Variants in GABBR2 observed in about 807,000 individuals in gnomAD.
GABBR2 encodes the protein G-protein coupled receptor 51.
In GABBR2, 23 loss-of-function variants were observed where a neutral mutation model predicts 105.6. That is an observed-to-expected ratio of 0.22 (90% confidence interval 0.16 to 0.31). The LOEUF is 0.31. GABBR2 is among the 10% of genes least tolerant of loss of function. GABBR2 has a pLI of 1.00. For missense variants in GABBR2, 734 were observed against 1,245.5 expected (o/e 0.59, Z 6.18); for synonymous variants, 478 against 499.7 (o/e 0.96, Z 0.58).
At chr9:98,439,704 A>G (rs1440170151) in intron 7 of GABBR2, among the ~76,000 whole-genome samples, 1 of 152,220 alleles carries the variant, frequency 6.6e-6, no homozygotes, top group Non-Finnish European at 1.5e-5. Flanking sequence ...AGCTGCAAGA[A>G]TCCAACTGAA....
chr9:98,419,566 C>A (rs1832746506), intron 7 of GABBR2, among the ~76,000 whole-genome samples: 1 of 152,102 alleles, frequency 6.6e-6, no homozygotes, highest in Non-Finnish European at 1.5e-5. Flanking sequence ...ATAGTGCAAA[C>A]TGTTAGGCAA....
At chr9:98,607,334 G>A (rs1309086342) in intron 1 of GABBR2, 6 of 764,324 alleles carry the variant, frequency 7.9e-6, no homozygotes, top group Non-Finnish European at 1.4e-5. Context: ...GCTCCTTCAG[G>A]ACATGGACTT....
In GABBR2 at chr9:98,385,730, G is replaced by T; in HGVS notation, c.1572C>A (p.Ile524=). 6.2e-7 allele frequency: 1 copy of T among 1,608,286 alleles called. No individual in the cohort carries two copies. Among genetic ancestry groups the T allele is most frequent in the Non-Finnish European group, 8.5e-7 (1 of 1,174,710 alleles). ...AAGCATAGGAGAGCATCCCTCCAAG[G>T]ATGATAAGGTTGTTCATGTATGGAC... ...MSSPYMNNLI[I]LGGMLSYASI... is the part of the protein sequence containing the mutation. Residue 524 remains isoleucine, a synonymous_variant, in exon 11 of 19, where the codon ATC becomes ATA. Transcript: ENST00000259455.
At chr9:98,308,686 A>G (rs548136829) in intron 14 of GABBR2, among the ~76,000 whole-genome samples, 1 of 152,316 alleles carries the variant, frequency 6.6e-6, no homozygotes, top group South Asian at 2.1e-4. Flanking sequence ...AAGCCAAGGC[A>G]TGCCTGGAAC....
chr9:98,493,117 G>A (rs1018888228), intron 4 of GABBR2, among the ~76,000 whole-genome samples: 18 of 151,920 alleles, frequency 1.2e-4, no homozygotes, highest in Non-Finnish European at 2.1e-4. Flanking sequence ...TTATACTTTG[G>A]GTTATATTCT....
chr9:98,288,294 T>C lies in GABBR2; in HGVS notation c.*2290A>G, dbSNP rs1227386014. On this transcript the variant is annotated 3_prime_UTR_variant, in exon 19 of 19. Coordinates refer to ENST00000259455, the MANE Select transcript of GABBR2 (RefSeq NM_005458.8). ...AGAAATGGACGGTGTGTTTGCTGCA[T>C]ATAAAAGAACAGAACCATTAAGTAG... is the stretch of plus-strand genomic sequence containing the variant. 6.6e-6 allele frequency: 1 copy of C among 152,562 alleles called. No individual in the cohort carries two copies. Among genetic ancestry groups the C allele is most frequent in the Non-Finnish European group, 1.5e-5 (1 of 68,036 alleles). 9.5% of individuals were successfully genotyped at this position (152,562 alleles called of 1,614,324 possible). A position where few individuals can be genotyped will look rare whatever the true frequency, so the allele number is the denominator to read the frequency against.
intron 13 of GABBR2, among the ~76,000 whole-genome samples, chr9:98,361,629 C>T (rs1021664731): frequency 5.9e-5 from 9 of 152,164 alleles, no homozygotes; most frequent in African/African-American, 1.7e-4. Flanking sequence ...AGCCTGTCTG[C>T]TCGAGTGGAC....
At chr9:98,615,493 A>G (rs1257550915) in intron 1 of GABBR2, among the ~76,000 whole-genome samples, 2 of 152,198 alleles carry the variant, frequency 1.3e-5, no homozygotes, top group Non-Finnish European at 2.9e-5. Flanking sequence ...CAGGTTTTAG[A>G]CATGCCCTTA....
chr9:98,288,316 G>A lies in GABBR2; in HGVS notation c.*2268C>T, dbSNP rs1390781437. 1 of 152,474 alleles carries A rather than the reference G, an allele frequency of 6.6e-6. No homozygotes were observed. The highest frequency in any genetic ancestry group is 1.5e-5 in the Non-Finnish European group (1 of 68,030). The allele number at this position is 152,474 out of a possible 1,614,324, so 9.4% of individuals were successfully genotyped here. Reference sequence around the variant, plus strand: ...GCATATAAAAGAACAGAACCATTAAGTAGCTAGAGTCACTTCTGTGGGTCT... The same window carrying A: ...GCATATAAAAGAACAGAACCATTAAATAGCTAGAGTCACTTCTGTGGGTCT... On this transcript the variant is annotated 3_prime_UTR_variant, in exon 19 of 19. Coordinates refer to ENST00000259455, the MANE Select transcript of GABBR2 (RefSeq NM_005458.8).
At chr9:98,299,101 G>A in intron 17 of GABBR2, 123 bp downstream of exon 17, 1 of 818,528 alleles carries the variant, frequency 1.2e-6, no homozygotes, top group Non-Finnish European at 2.1e-6. Context: ...CTCTGTGTGT[G>A]TGACTTCATA....
intron 2 of GABBR2, among the ~76,000 whole-genome samples, chr9:98,552,409 G>A (rs898743172): frequency 9.2e-5 from 14 of 152,176 alleles, no homozygotes; most frequent in Admixed American, 1.3e-4. Flanking sequence ...TGAATGGAAC[G>A]CAACTTTCTC....
intron 3 of GABBR2, among the ~76,000 whole-genome samples, chr9:98,535,891 A>G (rs115432620): frequency 6.7e-4 from 102 of 152,342 alleles, no homozygotes; most frequent in African/African-American, 2.4e-3. Context: ...CTCTAATGAT[A>G]CTATAATGAT....
At chr9:98,295,323 C>T (rs1404102846) in intron 17 of GABBR2, among the ~76,000 whole-genome samples, 3 of 152,144 alleles carry the variant, frequency 2.0e-5, no homozygotes, top group African/African-American at 4.8e-5. Context: ...ATGTTTTTCA[C>T]ATTTTGTGCT....
chr9:98,620,366 T>C (rs1280489274), intron 1 of GABBR2, among the ~76,000 whole-genome samples: 1 of 151,946 alleles, frequency 6.6e-6, no homozygotes, highest in East Asian at 1.9e-4. Flanking sequence ...AAGGACCGTC[T>C]CCTACATACA....
intron 16 of GABBR2, 57 bp from the exon 17 acceptor site, chr9:98,299,410 C>T: frequency 6.2e-7 from 1 of 1,604,578 alleles, no homozygotes. Flanking sequence ...GGCAGCTAGG[C>T]CACTAGGGCC....
In GABBR2 at chr9:98,388,991, T is replaced by C. The variant is rs752683144; in HGVS notation, c.1392A>G (p.Pro464=). The C allele has an allele frequency of 6.2e-7, 1 of 1,613,332 alleles. No homozygotes were observed. The highest frequency in any genetic ancestry group is 8.5e-7 in the Non-Finnish European group (1 of 1,179,614). The part of the protein sequence containing the change: ...DTIRFQGSEP[P]KDKTIILEQL... ...GCTCCAGGATGATGGTCTTGTCTTTTGGTGGTTCGGATCCTAGAGGATCAA... is the reference window on the plus strand; with the variant it reads ...GCTCCAGGATGATGGTCTTGTCTTTCGGTGGTTCGGATCCTAGAGGATCAA... Residue 464 remains proline (P), a synonymous_variant, in exon 10 of 19, where the codon CCA becomes CCG. Coordinates refer to ENST00000259455, the MANE Select transcript of GABBR2 (RefSeq NM_005458.8). The surrounding 1 kb of genome is among the most constrained non-coding windows in gnomAD (Gnocchi z 4.4).
At position 98,473,299 on chromosome 9, in the gene GABBR2, C is replaced by A; in HGVS notation, c.846G>T (p.Pro282=). 1 of 1,613,616 alleles carries A rather than the reference C, an allele frequency of 6.2e-7. No homozygotes were observed. The highest frequency in any genetic ancestry group is 8.5e-7 in the Non-Finnish European group (1 of 1,179,784). The change falls in exon 6 of 19, where the codon CCG becomes CCT. Residue 282 remains proline (P), a synonymous_variant. Transcript: ENST00000259455. ...CCCACCAAGAAGGCTCGTACCAGCC[C>A]GGAATGATCCACTGATATTTACTAC... is the stretch of plus-strand genomic sequence containing the variant. ...MYGSKYQWII[P]GWYEPSWWEQ... is the part of the protein sequence containing the mutation.
chr9:98,608,975 C>A (rs916302889), intron 1 of GABBR2, among the ~76,000 whole-genome samples: 3 of 152,104 alleles, frequency 2.0e-5, no homozygotes, highest in African/African-American at 4.8e-5. Flanking sequence ...AATGACCAAC[C>A]TGTTTCTACC....
intron 11 of GABBR2, among the ~76,000 whole-genome samples, chr9:98,383,362 G>A (rs560029753): frequency 6.6e-6 from 1 of 152,092 alleles, no homozygotes; most frequent in East Asian, 2.0e-4. Context: ...TGCATCTTTT[G>A]TATTCACCTT....
Sources: allele counts gnomAD v4.1 joint callset (sites outside exome capture counted in the v4.1 genomes callset), GRCh38; gene constraint gnomAD v4.1.1; non-coding constraint Gnocchi (gnomAD v3.1); transcripts MANE v1.5; gene names NCBI Gene and HGNC (gene_info 2026-07-23, HGNC 2026-07-21).